Variants in MYO1E observed in about 807,000 individuals in gnomAD.
The protein encoded by MYO1E is unconventional myosin-Ie.
MYO1E carries 68 observed loss-of-function variants against 151.1 expected under a neutral mutation model. The ratio of observed to expected loss-of-function variants is 0.45; its 90% CI spans 0.37 to 0.55. The LOEUF is 0.55. Ranked by LOEUF, MYO1E falls within the 20% of genes least tolerant of loss-of-function variation. The pLI is 0.00. For missense variants in MYO1E, 1,363 were observed against 1,389.3 expected (o/e 0.98, Z 0.30); for synonymous variants, 601 against 501.7 (o/e 1.20, Z -2.64).
intron 1 of MYO1E, among the ~76,000 whole-genome samples, chr15:59,363,071 G>A (rs1333168149): frequency 6.7e-6 from 1 of 149,324 alleles, no homozygotes. Context: ...CGCCTCCCAG[G>A]CTCACGCCAT....
intron 4 of MYO1E, among the ~76,000 whole-genome samples, chr15:59,253,285 A>C (rs190302641): frequency 2.0e-5 from 3 of 152,344 alleles, no homozygotes; most frequent in Admixed American, 1.3e-4. Context: ...AAGCAAAAGA[A>C]CTAATAACTG....
In MYO1E at chr15:59,272,574, A is replaced by G. The variant is rs972208140; in HGVS notation, c.4-125T>C. 5.5e-5 allele frequency: 57 copies of G among 1,039,374 alleles called. No individual in the cohort carries two copies. The South Asian group carries it at 7.4e-4, about 13-fold the overall frequency. The allele number at this position is 1,039,374 out of a possible 1,614,324, so 64.4% of individuals were successfully genotyped here. ...GTAGCAGAAAGAGCAGTGCAGAGAA[A>G]GATTCTGCAATCAATAAGATGAGGA... On this transcript the variant is annotated intron_variant, in intron 1 of 27. Coordinates refer to ENST00000288235, the MANE Select transcript of MYO1E (RefSeq NM_004998.4).
At chr15:59,238,595 G>A (rs1410704804) in intron 4 of MYO1E, among the ~76,000 whole-genome samples, 1 of 151,936 alleles carries the variant, frequency 6.6e-6, no homozygotes, top group African/African-American at 2.4e-5. Flanking sequence ...TTTTTGAAAT[G>A]GAGTCTCACT....
intron 4 of MYO1E, 69 bp downstream of exon 4, chr15:59,256,215 C>T (rs1200327031): frequency 4.0e-6 from 5 of 1,260,442 alleles, no homozygotes; most frequent in Non-Finnish European, 4.6e-6. Flanking sequence ...CACTGCTTAT[C>T]GACCGAAATC....
At chr15:59,224,920 T>C in intron 7 of MYO1E, 97 bp from the exon 8 acceptor site, 1 of 1,526,676 alleles carries the variant, frequency 6.6e-7, no homozygotes, top group East Asian at 2.3e-5. Flanking sequence ...GGACTTTCTA[T>C]CTCTGCTTTC....
At chr15:59,342,442 T>G (rs1172955394) in intron 1 of MYO1E, among the ~76,000 whole-genome samples, 11 of 152,218 alleles carry the variant, frequency 7.2e-5, no homozygotes, top group African/African-American at 2.2e-4. Context: ...GTCTTCCCAA[T>G]GTTTTCTTTT....
chr15:59,328,170 T>C (rs1354707995), intron 1 of MYO1E, among the ~76,000 whole-genome samples: 1 of 152,226 alleles, frequency 6.6e-6, no homozygotes, highest in Non-Finnish European at 1.5e-5. Context: ...ACAGATTAAC[T>C]GGGCAGCAAA....
At chr15:59,363,784 C>T (rs1427895648) in intron 1 of MYO1E, among the ~76,000 whole-genome samples, 4 of 152,042 alleles carry the variant, frequency 2.6e-5, no homozygotes, top group African/African-American at 9.7e-5. Flanking sequence ...GAGACTAATT[C>T]ATCTTTTTGG....
intron 1 of MYO1E, among the ~76,000 whole-genome samples, chr15:59,364,732 C>G (rs1253840711): frequency 6.6e-6 from 1 of 152,066 alleles, no homozygotes; most frequent in African/African-American, 2.4e-5. Flanking sequence ...TGGTGAAACC[C>G]TGTCCCTACT....
intron 22 of MYO1E, among the ~76,000 whole-genome samples, chr15:59,170,420 A>G (rs547625935): frequency 1.4e-4 from 22 of 152,274 alleles, no homozygotes; most frequent in African/African-American, 5.1e-4. Flanking sequence ...GGCCCCATGC[A>G]ATGACAAACA....
intron 10 of MYO1E, among the ~76,000 whole-genome samples, chr15:59,216,642 C>CTGTGTGTGTGTGTGTGTGTGTGTG (rs2079917037): frequency 1.0e-4 from 2 of 19,324 alleles, no homozygotes; most frequent in South Asian, 1.7e-3. Context: ...GAAGGGCCCC[C>CTGTGTGTGTGTGTGTGTGTGTGTG]AGTGTGTGTG....
At chr15:59,347,819 C>T (rs559321346) in intron 1 of MYO1E, among the ~76,000 whole-genome samples, 16 of 152,090 alleles carry the variant, frequency 1.1e-4, no homozygotes, top group African/African-American at 3.9e-4. Context: ...AAGTAAATTT[C>T]GGGTGACATA....
chr15:59,326,922 G>T (rs1596418912), intron 1 of MYO1E, among the ~76,000 whole-genome samples: 1 of 152,172 alleles, frequency 6.6e-6, no homozygotes, highest in Non-Finnish European at 1.5e-5. Flanking sequence ...ATGTAAAAAG[G>T]TTTTATAAAA....
intron 2 of MYO1E, among the ~76,000 whole-genome samples, chr15:59,268,788 T>C (rs578185127): frequency 7.0e-6 from 1 of 142,272 alleles, no homozygotes; most frequent in African/African-American, 2.5e-5. Flanking sequence ...TACATTGCTC[T>C]AAAGGGTTTT....
At chr15:59,153,157 A>G (rs1206790912) in intron 26 of MYO1E, among the ~76,000 whole-genome samples, 1 of 152,254 alleles carries the variant, frequency 6.6e-6, no homozygotes, top group African/African-American at 2.4e-5. Context: ...ACAAAGACCC[A>G]TATTCTTCAA....
At chr15:59,267,322 G>A (rs1596392367) in intron 2 of MYO1E, among the ~76,000 whole-genome samples, 1 of 151,748 alleles carries the variant, frequency 6.6e-6, no homozygotes, top group Non-Finnish European at 1.5e-5. Flanking sequence ...ACTGTGCCCA[G>A]CCGGTTAAAA....
At chr15:59,361,172 G>A (rs1439087527) in intron 1 of MYO1E, among the ~76,000 whole-genome samples, 1 of 152,150 alleles carries the variant, frequency 6.6e-6, no homozygotes, top group Non-Finnish European at 1.5e-5. Flanking sequence ...TGTGAGTGAG[G>A]CCACCCTAGA....
chr15:59,311,848 C>G (rs1567011263), intron 1 of MYO1E, among the ~76,000 whole-genome samples: 1 of 152,136 alleles, frequency 6.6e-6, no homozygotes, highest in African/African-American at 2.4e-5. Flanking sequence ...GAGTGTGGCC[C>G]TGTCTTGCTA....
At chr15:59,276,924 G>T (rs563283717) in intron 1 of MYO1E, among the ~76,000 whole-genome samples, 1 of 152,174 alleles carries the variant, frequency 6.6e-6, no homozygotes, top group Non-Finnish European at 1.5e-5. Flanking sequence ...CTGGCCCCAC[G>T]CGGCAGCGGT....
Sources: gnomAD v4.1 joint callset for allele counts (sites outside exome capture counted in the v4.1 genomes callset) on GRCh38, gnomAD v4.1.1 for gene constraint, MANE v1.5 for transcripts, NCBI Gene and HGNC (gene_info 2026-07-23, HGNC 2026-07-21) for gene names.